VWDE: variants seen among roughly 807,000 people sequenced by gnomAD.
The protein encoded by VWDE is von Willebrand factor D and EGF domains.
Under a neutral mutation model 178.4 loss-of-function variants are expected in VWDE, and 207 were observed. The observed-to-expected ratio is 1.16, with a 90% confidence interval of 1.04 to 1.30. VWDE has a LOEUF of 1.30. Among genes scored for constraint, VWDE ranks in the 50% most tolerant of loss-of-function variants. The pLI, the probability that VWDE is intolerant of heterozygous loss-of-function variation, is 0.00. For missense variants in VWDE, 2,287 were observed against 1,901.3 expected, an observed-to-expected ratio of 1.20 and a Z score of -3.77; for synonymous variants, 738 against 651.4, an observed-to-expected ratio of 1.13 and a Z score of -2.02.
In VWDE at chr7:12,331,000, G is replaced by T; in HGVS notation, c.*183C>A. ...CTCAACATCAAATTTAGATTACCTG[G>T]ATTTCTTCTTTGCTTTTCTCTATGA... On this transcript the variant is annotated 3_prime_UTR_variant, in exon 29 of 29. Coordinates refer to ENST00000275358, the MANE Select transcript of VWDE (RefSeq NM_001135924.3). 1 of 508,086 alleles carries T rather than the reference G, an allele frequency of 2.0e-6. No individual in the cohort carries two copies. Among genetic ancestry groups the T allele is most frequent in the Non-Finnish European group, 3.4e-6 (1 of 290,402 alleles). The allele number at this position is 508,086 out of a possible 1,614,324, so 31.5% of individuals were successfully genotyped here. A position where few individuals can be genotyped will look rare whatever the true frequency, so the allele number is the denominator to read the frequency against.
At chr7:12,367,270 C>T in intron 13 of VWDE, 87 bp downstream of exon 13, 1 of 1,094,472 alleles carries the variant, frequency 9.1e-7, no homozygotes, top group Non-Finnish European at 1.2e-6. Flanking sequence ...ATTTATGTTG[C>T]TAATTGATAG....
At chr7:12,332,701 A>G (rs527917369) in intron 28 of VWDE, among the ~76,000 whole-genome samples, 3 of 152,240 alleles carry the variant, frequency 2.0e-5, no homozygotes, top group South Asian at 4.1e-4. Flanking sequence ...TGATCTGGTT[A>G]TTTTCACAAT....
intron 12 of VWDE, 24 bp downstream of exon 12, chr7:12,369,521 C>A: frequency 1.3e-6 from 2 of 1,487,620 alleles, no homozygotes; most frequent in Non-Finnish European, 1.8e-6. Context: ...CATGCAATAT[C>A]AAACTTTGAG....
chr7:12,382,444 CA>C (rs555073338), intron 4 of VWDE, among the ~76,000 whole-genome samples: 1 of 148,166 alleles, frequency 6.7e-6, no homozygotes, highest in South Asian at 2.1e-4. Context: ...GTAAAATATA[CA>C]AAAAAAAGGG....
intron 1 of VWDE, among the ~76,000 whole-genome samples, chr7:12,400,429 T>C (rs971271639): frequency 4.6e-5 from 7 of 152,122 alleles, no homozygotes; most frequent in Non-Finnish European, 7.4e-5. Context: ...GACTGCTATA[T>C]GCCAATAATT....
At chr7:12,371,178 G>T (rs1299836172) in intron 10 of VWDE, among the ~76,000 whole-genome samples, 1 of 152,034 alleles carries the variant, frequency 6.6e-6, no homozygotes, top group African/African-American at 2.4e-5. Context: ...TATTGAGGAG[G>T]ATGTTTGCCA....
intron 2 of VWDE, among the ~76,000 whole-genome samples, chr7:12,391,331 A>G (rs1784381138): frequency 6.6e-6 from 1 of 152,108 alleles, no homozygotes; most frequent in South Asian, 2.1e-4. Context: ...ACCTGTAGAG[A>G]AAAAAAATCT....
intron 19 of VWDE, among the ~76,000 whole-genome samples, chr7:12,350,415 C>T (rs1034648181): frequency 6.6e-6 from 1 of 151,386 alleles, no homozygotes; most frequent in Non-Finnish European, 1.5e-5. Context: ...GCTGAAAAAG[C>T]GTTTGATAAA....
intron 24 of VWDE, among the ~76,000 whole-genome samples, chr7:12,338,957 T>G: frequency 1.3e-5 from 2 of 152,286 alleles, no homozygotes; most frequent in South Asian, 4.1e-4. Context: ...ATTCAATCAC[T>G]TTCAATGTGT....
intron 18 of VWDE, chr7:12,354,313 C>CA (rs1410881379): frequency 2.5e-4 from 95 of 386,136 alleles, no homozygotes; most frequent in Admixed American, 5.5e-4. Context: ...TTAACTGCAG[C>CA]AAAAAAAATC....
chr7:12,395,785 TC>T (rs201763620), intron 1 of VWDE, among the ~76,000 whole-genome samples: 3,551 of 152,232 alleles, frequency 0.023, 122 homozygotes, highest in African/African-American at 0.08. Flanking sequence ...AAAATTTTAT[TC>T]CAACCTTAGC....
intron 15 of VWDE, among the ~76,000 whole-genome samples, 158 bp downstream of exon 15, chr7:12,360,989 G>C (rs1782543452): frequency 6.6e-6 from 1 of 152,104 alleles, no homozygotes; most frequent in African/African-American, 2.4e-5. Flanking sequence ...GTTGCAGGCA[G>C]AGTAACAATT....
intron 18 of VWDE, chr7:12,354,616 TGAG>T (rs1782123174): frequency 4.5e-6 from 1 of 220,112 alleles, no homozygotes; most frequent in Non-Finnish European, 9.2e-6. Context: ...CTATGCATTA[TGAG>T]GACAGAAGTA....
At chr7:12,347,174 C>G (rs1781651095) in intron 19 of VWDE, among the ~76,000 whole-genome samples, 1 of 152,084 alleles carries the variant, frequency 6.6e-6, no homozygotes, top group Non-Finnish European at 1.5e-5. Context: ...AAGTCAGTGT[C>G]CCATTCCCTC....
At chr7:12,342,472 T>C (rs1230129886) in intron 22 of VWDE, among the ~76,000 whole-genome samples, 4 of 152,084 alleles carry the variant, frequency 2.6e-5, no homozygotes, top group African/African-American at 4.8e-5. Flanking sequence ...GAAATTTATA[T>C]GCAATTTAAC....
rs1483264906 is a variant in VWDE at position 12,331,063 on chromosome 7, C to T, written c.*120G>A. The stretch of plus-strand genomic sequence containing the variant: ...TCATTATGTATTTTATTAGTTTCTT[C>T]AGTCTTTAAGATATTTTTTGAATGA... On this transcript the variant is annotated 3_prime_UTR_variant, in exon 29 of 29. Coordinates refer to ENST00000275358, the MANE Select transcript of VWDE (RefSeq NM_001135924.3). The T allele has an allele frequency of 7.1e-6, 5 of 701,234 alleles. No homozygotes were observed. The highest frequency in any genetic ancestry group is 3.8e-5 in the African/African-American group (2 of 53,272). The allele number at this position is 701,234 out of a possible 1,614,324, so 43.4% of individuals were successfully genotyped here.
chr7:12,334,008 T>G (rs1056328877), intron 27 of VWDE, among the ~76,000 whole-genome samples: 1 of 152,136 alleles, frequency 6.6e-6, no homozygotes, highest in Non-Finnish European at 1.5e-5. Flanking sequence ...CATTGGAAGT[T>G]TAATGTGAAA....
rs373399204 is a variant in VWDE at position 12,369,549 on chromosome 7, G to A, written c.2757C>T (p.Ser919=). Residue 919 remains serine, a synonymous_variant, in exon 12 of 29, where the codon TCC becomes TCT. Transcript: ENST00000275358. ...ACTTTGAGAGTACTTACTTACCATAGGAATCACTGCAGTCATAGGAACTAA... is the reference window on the plus strand; with the variant it reads ...ACTTTGAGAGTACTTACTTACCATAAGAATCACTGCAGTCATAGGAACTAA... ...PSFSSYDCSD[S]YDKAPEITEL... 2.8e-5 allele frequency: 43 copies of A among 1,525,224 alleles called. 1 individual carries two copies. In the South Asian group the frequency reaches 4.8e-4, roughly 17 times the overall value. 94.5% of individuals were successfully genotyped at this position (1,525,224 alleles called of 1,614,324 possible). A position where few individuals can be genotyped will look rare whatever the true frequency, so the allele number is the denominator to read the frequency against.
At position 12,375,815 on chromosome 7, in the gene VWDE, G is replaced by A. The variant is rs568183601; in HGVS notation, c.1025-588C>T. ...TGTCCCAATATATTCACAACCTTGAGATGCTCCCTCGCTTCGATAACAAAG... is the reference window on the plus strand; with the variant it reads ...TGTCCCAATATATTCACAACCTTGAAATGCTCCCTCGCTTCGATAACAAAG... On this transcript the variant is annotated intron_variant, in intron 7 of 28. Coordinates refer to ENST00000275358, the MANE Select transcript of VWDE (RefSeq NM_001135924.3). 2.0e-5 allele frequency among the ~76,000 whole-genome samples: 3 copies of A among 152,016 alleles called. No individual in the cohort carries two copies. The South Asian group carries it at 6.2e-4, about 32-fold the overall frequency.
Sources: gnomAD v4.1 joint callset for allele counts (sites outside exome capture counted in the v4.1 genomes callset) on GRCh38, gnomAD v4.1.1 for gene constraint, MANE v1.5 for transcripts, NCBI Gene and HGNC (gene_info 2026-07-23, HGNC 2026-07-21) for gene names.